YWHAE: variants seen among roughly 807,000 people sequenced by gnomAD.
YWHAE encodes the protein 14-3-3 protein epsilon.
A neutral mutation model predicts 30.1 loss-of-function variants in YWHAE; 4 were observed. The observed-to-expected ratio is 0.13, with a 90% CI of 0.07 to 0.30. The LOEUF (loss-of-function observed/expected upper bound fraction) is 0.30. Among genes scored for constraint, YWHAE ranks in the 10% least tolerant of loss-of-function variants. The pLI is 1.00. For missense variants in YWHAE, 121 were observed against 315.9 expected, an observed-to-expected ratio of 0.38 and a Z score of 4.68; for synonymous variants, 118 against 111.8, an observed-to-expected ratio of 1.06 and a Z score of -0.35.
intron 1 of YWHAE, among the ~76,000 whole-genome samples, chr17:1,383,456 C>G (rs542585030): frequency 7.0e-6 from 1 of 143,384 alleles, no homozygotes; most frequent in East Asian, 2.1e-4. Context: ...GGCACAATTT[C>G]AGCTCCTGGC....
chr17:1,370,180 G>A (rs749539827), intron 1 of YWHAE, among the ~76,000 whole-genome samples: 32 of 134,128 alleles, frequency 2.4e-4, no homozygotes, highest in Non-Finnish European at 3.4e-4. Context: ...AGGCTGGAGT[G>A]CCTGGGCGTG....
At chr17:1,386,141 G>A (rs1567981863) in intron 1 of YWHAE, among the ~76,000 whole-genome samples, 1 of 152,098 alleles carries the variant, frequency 6.6e-6, no homozygotes, top group Non-Finnish European at 1.5e-5. Context: ...GAAAGAAATA[G>A]CCAATAAACA....
chr17:1,351,520 T>C (rs1229862151), intron 5 of YWHAE, among the ~76,000 whole-genome samples: 2 of 151,658 alleles, frequency 1.3e-5, no homozygotes, highest in Non-Finnish European at 2.9e-5. Context: ...CCCCAAACTC[T>C]CCGCATGCTT....
chr17:1,367,701 C>A (rs921965134), intron 1 of YWHAE, among the ~76,000 whole-genome samples: 1 of 152,064 alleles, frequency 6.6e-6, no homozygotes, highest in Non-Finnish European at 1.5e-5. Flanking sequence ...TTAACTGATA[C>A]AAGCAACAAT....
chr17:1,369,131 T>C (rs2072991462), intron 1 of YWHAE, among the ~76,000 whole-genome samples: 1 of 152,208 alleles, frequency 6.6e-6, no homozygotes, highest in Non-Finnish European at 1.5e-5. Flanking sequence ...TGTGGTAAAA[T>C]TATAGAAGCA....
At chr17:1,398,334 T>TCCG (rs1555648137) in intron 1 of YWHAE, among the ~76,000 whole-genome samples, 46 of 100,882 alleles carry the variant, frequency 4.6e-4, no homozygotes, top group Non-Finnish European at 7.2e-4. Context: ...CCCCATCTTA[T>TCCG]CCCCCCCCCC....
intron 1 of YWHAE, among the ~76,000 whole-genome samples, chr17:1,395,885 G>A (rs752199106): frequency 1.5e-4 from 23 of 152,322 alleles, no homozygotes; most frequent in African/African-American, 3.4e-4. Flanking sequence ...CTGGGAGGCC[G>A]AGGCGGGCGG....
chr17:1,356,291 C>A (rs2072741772), intron 4 of YWHAE, among the ~76,000 whole-genome samples: 1 of 151,878 alleles, frequency 6.6e-6, no homozygotes. Context: ...ATCCCTTGAA[C>A]CTGGGAGGCG....
intron 1 of YWHAE, among the ~76,000 whole-genome samples, chr17:1,398,286 C>T (rs1395931898): frequency 6.6e-6 from 1 of 151,786 alleles, no homozygotes; most frequent in African/African-American, 2.4e-5. Context: ...GATTTTTAAA[C>T]ACTGAAATAA....
chr17:1,393,344 A>G lies in YWHAE; in HGVS notation c.64+6703T>C, dbSNP rs530648593. On this transcript the variant is annotated intron_variant, in intron 1 of 5. Coordinates refer to ENST00000264335, the MANE Select transcript of YWHAE (RefSeq NM_006761.5). ...TCAAAAAAAAAAAAAGGAAAAAGAT[A>G]AAAGTGAGAGGAGAAAATATTTTAA... Among the ~76,000 whole-genome samples the G allele has an allele frequency of 2.6e-3, 400 of 151,852 alleles. 2 individuals are homozygous for G. Among genetic ancestry groups the G allele is most frequent in the Admixed American group, 5.5e-3 (83 of 15,218 alleles).
intron 5 of YWHAE, among the ~76,000 whole-genome samples, chr17:1,353,813 A>T (rs1293303777): frequency 1.3e-5 from 2 of 152,068 alleles, no homozygotes; most frequent in Non-Finnish European, 2.9e-5. Flanking sequence ...TCTCTACAGA[A>T]TCCCAGAGGG....
intron 1 of YWHAE, among the ~76,000 whole-genome samples, chr17:1,396,432 A>G (rs1428289113): frequency 6.6e-6 from 1 of 152,168 alleles, no homozygotes; most frequent in East Asian, 1.9e-4. Flanking sequence ...TCAAAAGAAA[A>G]AAAAGACAGC....
At chr17:1,359,812 TTGTGTGTGTG>T (rs59650315) in intron 4 of YWHAE, among the ~76,000 whole-genome samples, 2,051 of 130,688 alleles carry the variant, frequency 0.016, 32 homozygotes, top group African/African-American at 0.042. Flanking sequence ...CACTAAATTG[TTGTGTGTGTG>T]TGTGTGTGTG....
intron 1 of YWHAE, among the ~76,000 whole-genome samples, chr17:1,388,117 G>GTTTTTTTTTTTTTTTTT (rs1491196737): frequency 1.2e-4 from 8 of 65,110 alleles, no homozygotes; most frequent in East Asian, 4.0e-4. Context: ...TTTTTTGGTT[G>GTTTTTTTTTTTTTTTTT]GTTTTTTTTT....
intron 1 of YWHAE, among the ~76,000 whole-genome samples, chr17:1,378,716 G>A (rs1299218618): frequency 7.2e-5 from 11 of 152,308 alleles, no homozygotes; most frequent in South Asian, 4.1e-4. Context: ...AGGCCAAGGC[G>A]GGTGGATCAC....
At chr17:1,379,252 A>C (rs2073169836) in intron 1 of YWHAE, among the ~76,000 whole-genome samples, 1 of 152,206 alleles carries the variant, frequency 6.6e-6, no homozygotes, top group Non-Finnish European at 1.5e-5. Context: ...TGGGAGGATG[A>C]AGCGGGCAGG....
At chr17:1,376,585 C>T (rs2073128541) in intron 1 of YWHAE, among the ~76,000 whole-genome samples, 1 of 152,174 alleles carries the variant, frequency 6.6e-6, no homozygotes, top group African/African-American at 2.4e-5. Context: ...CCTCCCACCT[C>T]AGCCTCCTGA....
At chr17:1,363,988 G>C (rs1244774495) in intron 2 of YWHAE, among the ~76,000 whole-genome samples, 1 of 152,166 alleles carries the variant, frequency 6.6e-6, no homozygotes, top group East Asian at 1.9e-4. Flanking sequence ...TCCAGAAGTT[G>C]TGACAATCAA....
intron 1 of YWHAE, among the ~76,000 whole-genome samples, chr17:1,382,952 G>A (rs903541297): frequency 1.3e-5 from 2 of 151,794 alleles, no homozygotes; most frequent in African/African-American, 4.8e-5. Context: ...TTGAACCTGG[G>A]AGGCTGAGGT....
Sources: gnomAD v4.1 joint callset for allele counts (sites outside exome capture counted in the v4.1 genomes callset) on GRCh38, gnomAD v4.1.1 for gene constraint, MANE v1.5 for transcripts, NCBI Gene and HGNC (gene_info 2026-07-23, HGNC 2026-07-21) for gene names.